The following C3orf18 variants were observed in gnomAD, a reference collection of about 807,000 sequenced individuals.
C3orf18 encodes the protein chromosome 3 open reading frame 18, also known as uncharacterized protein C3orf18.
In C3orf18, 12 loss-of-function variants were observed where a neutral mutation model predicts 14.1. That is an observed-to-expected ratio of 0.85 (90% CI 0.55 to 1.38). The LOEUF (loss-of-function observed/expected upper bound fraction) is 1.38, where lower values mean the gene tolerates loss of function less well. C3orf18 is among the 40% of genes most tolerant of loss of function. The probability of loss-of-function intolerance (pLI) is 0.00; values close to 1 mark genes in which losing one functional copy is unlikely to be tolerated. For missense variants in C3orf18, 196 were observed against 213.9 expected (o/e 0.92, Z 0.52); for synonymous variants, 82 against 87.9 (o/e 0.93, Z 0.38).
chr3:50,563,084 A>G (rs1700088549), intron 3 of C3orf18, among the ~76,000 whole-genome samples: 1 of 152,100 alleles, frequency 6.6e-6, no homozygotes, highest in Non-Finnish European at 1.5e-5. Flanking sequence ...ATCCTCCCAC[A>G]TTCTTTGTGC....
At chr3:50,560,257 G>A (rs1435079811) in intron 5 of C3orf18, among the ~76,000 whole-genome samples, 2 of 152,324 alleles carry the variant, frequency 1.3e-5, no homozygotes, top group Non-Finnish European at 2.9e-5. Flanking sequence ...ATAAGTCAGG[G>A]GCAGGCCAGG....
chr3:50,561,381 TGGGACTGGG>T (rs1011877636), intron 4 of C3orf18, among the ~76,000 whole-genome samples: 3 of 152,004 alleles, frequency 2.0e-5, no homozygotes, highest in African/African-American at 7.3e-5. Context: ...GAGTCTCAGG[TGGGACTGGG>T]GAGCCAGTAG....
At chr3:50,562,581 C>G (rs1397955570) in intron 3 of C3orf18, 2 of 455,948 alleles carry the variant, frequency 4.4e-6, no homozygotes, top group South Asian at 3.1e-5. Context: ...CATACTGACA[C>G]CCCGTCTCTA....
At chr3:50,562,814 C>T (rs1434149336) in intron 3 of C3orf18, among the ~76,000 whole-genome samples, 1 of 152,186 alleles carries the variant, frequency 6.6e-6, no homozygotes, top group Non-Finnish European at 1.5e-5. Context: ...GCCCCTAGGT[C>T]CGGTCCCCCA....
At position 50,567,683 on chromosome 3, in the gene C3orf18, G is replaced by A. The variant is rs1700425616; in HGVS notation, c.-472C>T. ...TGCCGGCCTGAGCTAGGGTGGGTAG[G>A]GCCGGGACCCACGGCGGAGGTGGGG... On this transcript the variant is annotated 5_prime_UTR_variant, in exon 1 of 6. Coordinates refer to ENST00000357203, the MANE Select transcript of C3orf18 (RefSeq NM_016210.5). The A allele has an allele frequency of 6.6e-6, 1 of 152,272 alleles. No individual in the cohort carries two copies. Among genetic ancestry groups the A allele is most frequent in the South Asian group, 2.1e-4 (1 of 4,836 alleles). The allele number at this position is 152,272 out of a possible 1,614,324, so 9.4% of individuals were successfully genotyped here. A position where few individuals can be genotyped will look rare whatever the true frequency, so the allele number is the denominator to read the frequency against.
At position 50,565,893 on chromosome 3, in the gene C3orf18, A is replaced by G. The variant is rs1173673775; in HGVS notation, c.-162-32T>C. 3 of 592,516 alleles carry G rather than the reference A, an allele frequency of 5.1e-6. No individual in the cohort carries two copies. Among genetic ancestry groups the G allele is most frequent in the African/African-American group, 1.9e-5 (1 of 53,728 alleles). The allele number at this position is 592,516 out of a possible 1,614,324, so 36.7% of individuals were successfully genotyped here. On this transcript the variant is annotated intron_variant, in intron 2 of 5. Transcript: ENST00000357203. This position sits in a 1 kb window ranked among gnomAD's most constrained non-coding sequence, Gnocchi z 4.4. ...AGGAAAGAATAAGAAACATGAGGCT[A>G]AGGACAGGGGCTCAGTAGTGAGATG...
intron 1 of C3orf18, among the ~76,000 whole-genome samples, chr3:50,566,730 A>C (rs1343548760): frequency 6.6e-6 from 1 of 152,040 alleles, no homozygotes; most frequent in Non-Finnish European, 1.5e-5. Context: ...CCCACCAACA[A>C]TAGAGGGGCT....
chr3:50,561,815 G>T, intron 3 of C3orf18, 68 bp from the exon 4 acceptor site: 1 of 1,539,392 alleles, frequency 6.5e-7, no homozygotes, highest in Non-Finnish European at 9.0e-7. Context: ...AGCCCTTCTG[G>T]ATGGGGACAT....
upstream of C3orf18, chr3:50,571,239 C>A (rs1381866240): frequency 6.2e-7 from 1 of 1,613,812 alleles, no homozygotes; most frequent in South Asian, 1.1e-5. Context: ...TAGAACTGGT[C>A]AGCCACTGGA....
chr3:50,568,040 T>C (rs1174459926), upstream of C3orf18, among the ~76,000 whole-genome samples: 1 of 152,218 alleles, frequency 6.6e-6, no homozygotes, highest in African/African-American at 2.4e-5. Flanking sequence ...CAGAGGAGAC[T>C]TGGGGAGAGC....
At chr3:50,560,826 G>A in intron 5 of C3orf18, 91 bp downstream of exon 5, 2 of 1,367,444 alleles carry the variant, frequency 1.5e-6, no homozygotes, top group Non-Finnish European at 2.0e-6. Context: ...CCACAAGGCA[G>A]GTGCTAGAAA....
chr3:50,559,701 T>C lies in C3orf18; in HGVS notation c.445A>G (p.Ser149Gly). ...GCCACATCGGTAAACACCAGCCGGCTGGGTCTCTGCAGTGGGCCCTGGGAG... is the reference window on the plus strand; with the variant it reads ...GCCACATCGGTAAACACCAGCCGGCCGGGTCTCTGCAGTGGGCCCTGGGAG... ...LPSQGPLQRPSRLVFTDVANA... is the reference protein window; with the variant it reads ...LPSQGPLQRPGRLVFTDVANA... Residue 149 changes from serine to glycine, a missense_variant, in exon 6 of 6, where the codon AGC (serine) becomes GGC (glycine). By Grantham distance (56) the Ser-to-Gly change is moderately conservative. Coordinates refer to ENST00000357203, the MANE Select transcript of C3orf18 (RefSeq NM_016210.5). 1 of 1,596,844 alleles carries C rather than the reference T, an allele frequency of 6.3e-7. No individual in the cohort carries two copies. Among genetic ancestry groups the C allele is most frequent in the South Asian group, 1.1e-5 (1 of 87,828 alleles).
upstream of C3orf18, among the ~76,000 whole-genome samples, chr3:50,574,148 C>T (rs906099528): frequency 6.6e-6 from 1 of 152,348 alleles, no homozygotes; most frequent in East Asian, 1.9e-4. Flanking sequence ...CTGCCCCTCA[C>T]CTCTTTCCCG....
In C3orf18 at chr3:50,559,221, C is replaced by A. The variant is rs1347776506; in HGVS notation, c.*436G>T. 5 of 1,286,028 alleles carry A rather than the reference C, an allele frequency of 3.9e-6. No individual in the cohort carries two copies. The Admixed American group carries it at 7.0e-5, about 18-fold the overall frequency. 79.7% of individuals were successfully genotyped at this position (1,286,028 alleles called of 1,614,324 possible). On this transcript the variant is annotated 3_prime_UTR_variant, in exon 6 of 6. Transcript: ENST00000357203. Reference sequence around the variant, plus strand: ...TAACTTGGGTGGTTTCCTCTCCCCACCCCAGAGGAGGCTCCAGATTCCAAA... The same window carrying A: ...TAACTTGGGTGGTTTCCTCTCCCCAACCCAGAGGAGGCTCCAGATTCCAAA...
At position 50,565,409 on chromosome 3, in the gene C3orf18, A is replaced by T; in HGVS notation, c.234+57T>A. The T allele has an allele frequency of 7.9e-7, 1 of 1,261,582 alleles. No individual in the cohort carries two copies. The allele number at this position is 1,261,582 out of a possible 1,614,324, so 78.1% of individuals were successfully genotyped here. ...CAACCAGATTGTCTTCTGATTGATT[A>T]GGTTCTCTATAAATCTAAACACTGA... On this transcript the variant is annotated intron_variant, in intron 3 of 5. Transcript: ENST00000357203. The surrounding 1 kb of genome is among the most constrained non-coding windows in gnomAD (Gnocchi z 4.4).
chr3:50,571,909 G>A (rs577255903), upstream of C3orf18: 4 of 1,344,234 alleles, frequency 3.0e-6, no homozygotes, highest in Admixed American at 3.5e-5. Flanking sequence ...GGACTAGGGA[G>A]GTGTTGGGGT....
chr3:50,565,289 C>T lies in C3orf18; in HGVS notation c.234+177G>A. ...GGCTGAGGCAGGAGACTCGATTAAG[C>T]CCCAGAGGTGGAGGTTGCAGTGAGC... On this transcript the variant is annotated intron_variant, in intron 3 of 5. Transcript: ENST00000357203. This position sits in a 1 kb window ranked among gnomAD's most constrained non-coding sequence, Gnocchi z 4.4. 1.7e-6 allele frequency: 1 copy of T among 598,236 alleles called. No individual in the cohort carries two copies. The allele number at this position is 598,236 out of a possible 1,614,324, so 37.1% of individuals were successfully genotyped here. A position where few individuals can be genotyped will look rare whatever the true frequency, so the allele number is the denominator to read the frequency against.
At chr3:50,574,554 C>A (rs1404845098), upstream of C3orf18, among the ~76,000 whole-genome samples, 2 of 152,168 alleles carry the variant, frequency 1.3e-5, no homozygotes, top group African/African-American at 4.8e-5. Flanking sequence ...ATTCTCCAGC[C>A]AGAGTAGGTC....
upstream of C3orf18, chr3:50,571,117 G>A (rs751238306): frequency 1.3e-6 from 2 of 1,593,878 alleles, no homozygotes; most frequent in Non-Finnish European, 1.7e-6. Context: ...GGAGCTTTGG[G>A]GCCGAATGCT....
Sources: gnomAD v4.1 joint callset for allele counts (sites outside exome capture counted in the v4.1 genomes callset) on GRCh38, gnomAD v4.1.1 for gene constraint, Gnocchi (gnomAD v3.1) non-coding constraint, MANE v1.5 for transcripts, NCBI Gene and HGNC (gene_info 2026-07-23, HGNC 2026-07-21) for gene names.